The following PIP5K1B variants were observed in gnomAD, a reference collection of about 807,000 sequenced individuals.
PIP5K1B encodes the protein phosphatidylinositol 4-phosphate 5-kinase type-1 beta.
Under a neutral mutation model 67.0 loss-of-function variants are expected in PIP5K1B, and 42 were observed. The observed-to-expected ratio is 0.63, with a 90% CI of 0.49 to 0.81. PIP5K1B has a LOEUF of 0.81. PIP5K1B is among the 30% of genes least tolerant of loss of function. The pLI, the probability that PIP5K1B is intolerant of heterozygous loss-of-function variation, is 0.00. For synonymous variants in PIP5K1B, 214 were observed against 231.4 expected (o/e 0.92, Z 0.68); for missense variants, 459 against 646.3 (o/e 0.71, Z 3.14).
intron 2 of PIP5K1B, among the ~76,000 whole-genome samples, chr9:68,802,499 C>CTAGA (rs1210225039): frequency 2.0e-5 from 3 of 152,002 alleles, no homozygotes; most frequent in Non-Finnish European, 2.9e-5. Flanking sequence ...CAATAGTGTA[C>CTAGA]TAGAAAGAGA....
chr9:68,973,224 G>A (rs1314482590), intron 14 of PIP5K1B, among the ~76,000 whole-genome samples: 2 of 152,004 alleles, frequency 1.3e-5, no homozygotes, highest in African/African-American at 2.4e-5. Context: ...CAGCCTGGGC[G>A]ACAGAGCGAG....
chr9:68,940,863 G>A, intron 14 of PIP5K1B, 73 bp downstream of exon 14: 1 of 1,356,024 alleles, frequency 7.4e-7, no homozygotes, highest in South Asian at 1.2e-5. Context: ...CAGTATCTCT[G>A]AATGAGGACA....
chr9:68,852,625 G>C (rs1222034120), intron 4 of PIP5K1B, among the ~76,000 whole-genome samples: 1 of 152,228 alleles, frequency 6.6e-6, no homozygotes, highest in Non-Finnish European at 1.5e-5. Context: ...CCAGGGCACA[G>C]AGCAGGGTGA....
chr9:68,919,416 A>G, intron 9 of PIP5K1B, 63 bp from the exon 10 acceptor site: 1 of 787,040 alleles, frequency 1.3e-6, no homozygotes, highest in Non-Finnish European at 2.0e-6. Flanking sequence ...ATTAGAAATG[A>G]TTTTTTAACT....
intron 4 of PIP5K1B, among the ~76,000 whole-genome samples, chr9:68,852,168 A>G (rs1026052187): frequency 6.6e-6 from 1 of 152,152 alleles, no homozygotes; most frequent in African/African-American, 2.4e-5. Context: ...ACCATGGCAC[A>G]TGTATACCTA....
chr9:68,907,391 A>G (rs1412812020), intron 8 of PIP5K1B, among the ~76,000 whole-genome samples: 4 of 152,262 alleles, frequency 2.6e-5, no homozygotes, highest in Middle Eastern at 6.8e-3. Context: ...CCACTCTTGT[A>G]CCTTCTTTAG....
At chr9:68,885,847 AAAATT>A (rs1430467088) in intron 6 of PIP5K1B, among the ~76,000 whole-genome samples, 1 of 152,244 alleles carries the variant, frequency 6.6e-6, no homozygotes, top group Non-Finnish European at 1.5e-5. Flanking sequence ...TAAAAAAACT[AAAATT>A]AAACAAATCA....
intron 6 of PIP5K1B, among the ~76,000 whole-genome samples, chr9:68,881,797 C>T (rs1428371799): frequency 1.3e-5 from 2 of 152,184 alleles, no homozygotes; most frequent in Middle Eastern, 3.2e-3. Context: ...CAAAGGGCCC[C>T]AGAGCATTCC....
Position 68,863,857 on chromosome 9 carries a change from A to T in PIP5K1B, c.90A>T (p.Lys30Asn). Residue 30 changes from lysine (K) to asparagine (N), a missense_variant, in exon 5 of 16, where the codon AAA (lysine) becomes AAT (asparagine). By Grantham distance (94) the Lys-to-Asn change is moderately conservative. Transcript: ENST00000265382. ...TGCAGACTGCATCATCTGCTATTAA[A>T]GGTGCTATTCAGCTGGGAATAGGAT... The part of the protein sequence containing the change: ...TYKKTASSAI[K>N]GAIQLGIGYT... The T allele has an allele frequency of 6.2e-7, 1 of 1,613,828 alleles. No homozygotes were observed. The highest frequency in any genetic ancestry group is 8.5e-7 in the Non-Finnish European group (1 of 1,179,760).
rs575317971 is a variant in PIP5K1B, at chr9:68,735,757, A to AT, written c.-242-6744_-242-6743insT. Among the ~76,000 whole-genome samples the AT allele has an allele frequency of 4.7e-4, 71 of 152,314 alleles. 1 individual carries two copies. In the South Asian group the frequency reaches 0.014, roughly 31 times the overall value. ...GAAAGGTAAAGCAGGATAAGGGAGT[A>AT]GGGGGTTCTGAGGTGGAATGATGGG... On this transcript the variant is annotated intron_variant, in intron 1 of 15. Coordinates refer to ENST00000265382, the MANE Select transcript of PIP5K1B (RefSeq NM_003558.4).
At chr9:68,733,744 A>G (rs925041071) in intron 1 of PIP5K1B, among the ~76,000 whole-genome samples, 3 of 141,782 alleles carry the variant, frequency 2.1e-5, no homozygotes, top group East Asian at 4.1e-4. Flanking sequence ...GGTTCAGGCA[A>G]TTCTCCTGCG....
At chr9:68,946,692 C>G (rs1006985449) in intron 14 of PIP5K1B, among the ~76,000 whole-genome samples, 2 of 152,188 alleles carry the variant, frequency 1.3e-5, no homozygotes, top group Non-Finnish European at 2.9e-5. Context: ...CCACGCCCAG[C>G]CTGTTCTTTT....
rs2132354118 is a variant in PIP5K1B at position 68,884,319 on chromosome 9, A to G, written c.319-4662A>G. Among the ~76,000 whole-genome samples, 4 of 151,196 alleles carry G rather than the reference A, an allele frequency of 2.6e-5. 1 individual carries two copies. The South Asian group carries it at 8.4e-4, about 32-fold the overall frequency. Reference sequence around the variant, plus strand: ...CAATAACAAGAAAACTAATAACCCTATTTAAAAATGAGCAAAGGACCTAAC... The same window carrying G: ...CAATAACAAGAAAACTAATAACCCTGTTTAAAAATGAGCAAAGGACCTAAC... On this transcript the variant is annotated intron_variant, in intron 6 of 15. Coordinates refer to ENST00000265382, the MANE Select transcript of PIP5K1B (RefSeq NM_003558.4).
chr9:68,849,180 C>T (rs1200040877), intron 4 of PIP5K1B, among the ~76,000 whole-genome samples: 1 of 152,040 alleles, frequency 6.6e-6, no homozygotes, highest in Non-Finnish European at 1.5e-5. Context: ...TATTCATCAC[C>T]ACATTATTTT....
At chr9:68,732,335 T>A (rs1828483385) in intron 1 of PIP5K1B, among the ~76,000 whole-genome samples, 1 of 152,244 alleles carries the variant, frequency 6.6e-6, no homozygotes, top group African/African-American at 2.4e-5. Context: ...TCTTGCTGAT[T>A]GAATTACATG....
At position 68,964,416 on chromosome 9, in the gene PIP5K1B, A is replaced by G. The variant is rs140959387; in HGVS notation, c.1502+23626A>G. ...TTAGCTATCTCAGAACAGGACATGT[A>G]TTAATACATTGAACTTTGAATAAAT... On this transcript the variant is annotated intron_variant, in intron 14 of 15. Coordinates refer to ENST00000265382, the MANE Select transcript of PIP5K1B (RefSeq NM_003558.4). 3.3e-5 allele frequency among the ~76,000 whole-genome samples: 5 copies of G among 152,366 alleles called. No homozygotes were observed. The South Asian group carries it at 6.2e-4, about 19-fold the overall frequency.
chr9:68,776,500 T>C (rs970609754), intron 2 of PIP5K1B, among the ~76,000 whole-genome samples: 2 of 106,332 alleles, frequency 1.9e-5, no homozygotes, highest in African/African-American at 3.6e-5. Flanking sequence ...TTTTATAAGA[T>C]GAGGTCTCTC....
chr9:68,940,280 T>C (rs992110540), intron 13 of PIP5K1B, among the ~76,000 whole-genome samples: 1 of 152,240 alleles, frequency 6.6e-6, no homozygotes, highest in African/African-American at 2.4e-5. Flanking sequence ...GTTCACTGTC[T>C]GTTTATACAC....
intron 4 of PIP5K1B, among the ~76,000 whole-genome samples, chr9:68,853,341 C>T (rs10869420): frequency 3.9e-5 from 6 of 151,950 alleles, no homozygotes; most frequent in Non-Finnish European, 5.9e-5. Flanking sequence ...TATGAAAGGG[C>T]CTGGCTGGCC....
Sources: gnomAD v4.1 joint callset for allele counts (sites outside exome capture counted in the v4.1 genomes callset) on GRCh38, gnomAD v4.1.1 for gene constraint, MANE v1.5 for transcripts, NCBI Gene and HGNC (gene_info 2026-07-23, HGNC 2026-07-21) for gene names.